Variants in TLK1 observed in about 807,000 individuals in gnomAD.
TLK1 encodes the protein tousled like kinase 1.
TLK1 carries 24 observed loss-of-function variants against 105.3 expected under a neutral mutation model. That is an observed-to-expected ratio of 0.23 (90% CI 0.17 to 0.32). The LOEUF is 0.32. TLK1 is among the 10% of genes least tolerant of loss of function. The pLI, the probability that TLK1 is intolerant of heterozygous loss-of-function variation, is 1.00. For synonymous variants in TLK1, 321 were observed against 310.4 expected (o/e 1.03, Z -0.36); for missense variants, 558 against 910.5 (o/e 0.61, Z 4.98).
chr2:171,025,403 G>C (rs981642065), intron 12 of TLK1, among the ~76,000 whole-genome samples: 11 of 152,180 alleles, frequency 7.2e-5, no homozygotes, highest in African/African-American at 2.7e-4. Context: ...TCAGTGCTAA[G>C]AAAGTTAGTC....
In TLK1 at chr2:170,993,653, T is replaced by G. The variant is rs1258132637; in HGVS notation, c.*127A>C. 4.6e-5 allele frequency: 40 copies of G among 861,446 alleles called. No individual in the cohort carries two copies. The highest frequency in any genetic ancestry group is 6.0e-5 in the Non-Finnish European group (38 of 629,934). The allele number at this position is 861,446 out of a possible 1,614,324, so 53.4% of individuals were successfully genotyped here. A position where few individuals can be genotyped will look rare whatever the true frequency, so the allele number is the denominator to read the frequency against. ...GGAACTTCAGTTCACAAACAGTTCT[T>G]AACCACGTCTTGTGTAAAAAAAAAA... is the stretch of plus-strand genomic sequence containing the variant. On this transcript the variant is annotated 3_prime_UTR_variant, in exon 21 of 21. Transcript: ENST00000431350.
intron 1 of TLK1, among the ~76,000 whole-genome samples, chr2:171,120,355 C>A (rs149717413): frequency 1.3e-5 from 2 of 149,396 alleles, no homozygotes; most frequent in African/African-American, 2.5e-5. Context: ...CAGAGTGAGA[C>A]GGCAACCCAC....
rs139884690 is a variant in TLK1, at chr2:171,057,140, C to T, written c.454-574G>A. Among the ~76,000 whole-genome samples the T allele has an allele frequency of 4.2e-3, 640 of 152,116 alleles. 1 individual carries two copies. The highest frequency in any genetic ancestry group is 0.01 in the Admixed American group (154 of 15,280). ...TGACTTAGCTGCATATGAAGAGAAGCCAACTGATCTATTCCATAGCTATCT... is the reference window on the plus strand; with the variant it reads ...TGACTTAGCTGCATATGAAGAGAAGTCAACTGATCTATTCCATAGCTATCT... On this transcript the variant is annotated intron_variant, in intron 5 of 20. Transcript: ENST00000431350.
intron 2 of TLK1, among the ~76,000 whole-genome samples, chr2:171,097,645 C>T (rs188611979): frequency 5.3e-4 from 80 of 152,196 alleles, no homozygotes; most frequent in Middle Eastern, 3.4e-3. Flanking sequence ...GAATAGGCGG[C>T]CGGGTGTGGT....
chr2:171,086,356 T>C lies in TLK1; in HGVS notation c.259-3504A>G, dbSNP rs146597642. 4.8e-3 allele frequency among the ~76,000 whole-genome samples: 730 copies of C among 152,296 alleles called. 5 individuals are homozygous for C. The highest frequency in any genetic ancestry group is 0.016 in the African/African-American group (678 of 41,568). On this transcript the variant is annotated intron_variant, in intron 2 of 20. Coordinates refer to ENST00000431350, the MANE Select transcript of TLK1 (RefSeq NM_012290.5). Reference sequence around the variant, plus strand: ...AGAAGGGAACAGAGGCTGGGTGCAGTGGCTCGCGCCTGTAATCCCAGCACT... The same window carrying C: ...AGAAGGGAACAGAGGCTGGGTGCAGCGGCTCGCGCCTGTAATCCCAGCACT...
At chr2:170,994,726 T>C (rs749908844) in intron 20 of TLK1, 2 of 517,056 alleles carry the variant, frequency 3.9e-6, no homozygotes, top group East Asian at 5.5e-5. Flanking sequence ...GGTTAACCTT[T>C]ATCTTGACTT....
chr2:171,042,418 T>C (rs1686724610), intron 11 of TLK1, among the ~76,000 whole-genome samples: 1 of 152,036 alleles, frequency 6.6e-6, no homozygotes, highest in Non-Finnish European at 1.5e-5. Context: ...CTAATTTTTT[T>C]TTTTATTTTT....
chr2:171,075,163 C>T (rs1009080169), intron 3 of TLK1, among the ~76,000 whole-genome samples: 4 of 151,948 alleles, frequency 2.6e-5, no homozygotes, highest in African/African-American at 9.7e-5. Flanking sequence ...GCTTAGAATA[C>T]ACTAAGCACT....
At chr2:171,125,827 A>G (rs1170968788) in intron 1 of TLK1, among the ~76,000 whole-genome samples, 2 of 152,184 alleles carry the variant, frequency 1.3e-5, no homozygotes, top group Non-Finnish European at 2.9e-5. Flanking sequence ...ATCACCTGAA[A>G]GAATTATTCT....
intron 20 of TLK1, among the ~76,000 whole-genome samples, chr2:170,995,201 A>G (rs1683997099): frequency 6.6e-6 from 1 of 152,176 alleles, no homozygotes; most frequent in Non-Finnish European, 1.5e-5. Context: ...TGAGGAGTGG[A>G]AAGGCTATCA....
At chr2:171,052,394 A>G (rs1687285000) in intron 8 of TLK1, among the ~76,000 whole-genome samples, 1 of 152,244 alleles carries the variant, frequency 6.6e-6, no homozygotes, top group Non-Finnish European at 1.5e-5. Flanking sequence ...ATTCTTTCAT[A>G]TGTGCCCTGA....
intron 11 of TLK1, among the ~76,000 whole-genome samples, chr2:171,035,307 A>G (rs1445384545): frequency 6.6e-6 from 1 of 150,804 alleles, no homozygotes; most frequent in Non-Finnish European, 1.5e-5. Flanking sequence ...TTGACACTGT[A>G]CTCCAGCCTG....
At chr2:171,171,490 A>G (rs866621487) in intron 1 of TLK1, among the ~76,000 whole-genome samples, 4 of 147,682 alleles carry the variant, frequency 2.7e-5, no homozygotes, top group Non-Finnish European at 4.5e-5. Context: ...AGACTCTTAC[A>G]CTGCCCTCAT....
chr2:171,210,411 C>T (rs1693592085), intron 1 of TLK1, among the ~76,000 whole-genome samples: 1 of 152,028 alleles, frequency 6.6e-6, no homozygotes, highest in African/African-American at 2.4e-5. Flanking sequence ...CCACCACACC[C>T]AGCCATGGTC....
intron 12 of TLK1, among the ~76,000 whole-genome samples, chr2:171,026,896 C>T (rs919250558): frequency 2.6e-5 from 4 of 151,940 alleles, no homozygotes; most frequent in Non-Finnish European, 5.9e-5. Flanking sequence ...AGTCTCAAAG[C>T]GCAGGAAAAG....
At chr2:171,059,013 C>T (rs113696440) in intron 4 of TLK1, among the ~76,000 whole-genome samples, 2,427 of 152,224 alleles carry the variant, frequency 0.016, 34 homozygotes, top group Non-Finnish European at 0.026. Context: ...CCAGGCATTA[C>T]TAAGATGAAA....
intron 1 of TLK1, among the ~76,000 whole-genome samples, chr2:171,203,649 G>A (rs1315110245): frequency 6.6e-6 from 1 of 152,214 alleles, no homozygotes; most frequent in East Asian, 1.9e-4. Context: ...GCTGCTAGGA[G>A]CATGAGCATT....
chr2:171,196,775 C>T (rs1490871236), intron 1 of TLK1, among the ~76,000 whole-genome samples: 1 of 152,170 alleles, frequency 6.6e-6, no homozygotes, highest in Non-Finnish European at 1.5e-5. Context: ...TGAGAGACTT[C>T]ACAGTGAGTT....
At chr2:171,129,507 C>A (rs1286155991) in intron 1 of TLK1, among the ~76,000 whole-genome samples, 1 of 152,098 alleles carries the variant, frequency 6.6e-6, no homozygotes, top group East Asian at 1.9e-4. Flanking sequence ...AAGTTGAATA[C>A]GATCTACCTA....
Sources: allele counts gnomAD v4.1 joint callset (sites outside exome capture counted in the v4.1 genomes callset), GRCh38; gene constraint gnomAD v4.1.1; transcripts MANE v1.5; gene names NCBI Gene and HGNC (gene_info 2026-07-23, HGNC 2026-07-21).